Variants in PPM1L observed in about 807,000 individuals in gnomAD.
PPM1L encodes protein phosphatase 1L.
A neutral mutation model predicts 31.4 loss-of-function variants in PPM1L; 13 were observed. That is an observed-to-expected ratio of 0.41 (90% CI 0.27 to 0.66). The LOEUF is 0.66. Among genes scored for constraint, PPM1L ranks in the 30% least tolerant of loss-of-function variants. PPM1L has a pLI of 0.29. For missense variants in PPM1L, 326 were observed against 453.7 expected (o/e 0.72, Z 2.56); for synonymous variants, 184 against 175.4 (o/e 1.05, Z -0.39).
intron 1 of PPM1L, among the ~76,000 whole-genome samples, chr3:160,905,187 G>A (rs1480670494): frequency 2.0e-5 from 3 of 152,046 alleles, no homozygotes; most frequent in African/African-American, 4.8e-5. Flanking sequence ...TTTATTATAC[G>A]AAATTTATTT....
At chr3:161,019,811 A>G (rs1252083701) in intron 2 of PPM1L, among the ~76,000 whole-genome samples, 1 of 152,162 alleles carries the variant, frequency 6.6e-6, no homozygotes, top group Middle Eastern at 3.2e-3. Flanking sequence ...TTTCTCTAAA[A>G]TCATAAACGA....
rs534620157 is a variant in PPM1L, at chr3:160,974,618, G to C, written c.574+12708G>C. On this transcript the variant is annotated intron_variant, in intron 2 of 3. Transcript: ENST00000498165. ...GGTTTTGATTTGCATTTCTCTGATGGCCAGTGATGATGAGCATTTTTTCAT... is the reference window on the plus strand; with the variant it reads ...GGTTTTGATTTGCATTTCTCTGATGCCCAGTGATGATGAGCATTTTTTCAT... 3.3e-3 allele frequency among the ~76,000 whole-genome samples: 492 copies of C among 151,324 alleles called. 1 individual carries two copies. Among genetic ancestry groups the C allele is most frequent in the African/African-American group, 0.011 (471 of 41,128 alleles).
intron 2 of PPM1L, among the ~76,000 whole-genome samples, chr3:161,035,077 C>G (rs1718706163): frequency 6.6e-6 from 1 of 150,802 alleles, no homozygotes; most frequent in Non-Finnish European, 1.5e-5. Flanking sequence ...CACACTGAGG[C>G]CTGTCAGGGG....
At chr3:160,911,453 G>C (rs1292583223) in intron 1 of PPM1L, among the ~76,000 whole-genome samples, 1 of 152,178 alleles carries the variant, frequency 6.6e-6, no homozygotes, top group East Asian at 1.9e-4. Context: ...GCTGGGCTTT[G>C]ACCCCAGAGC....
At chr3:161,010,161 C>A (rs756407349) in intron 2 of PPM1L, among the ~76,000 whole-genome samples, 3 of 152,024 alleles carry the variant, frequency 2.0e-5, no homozygotes, top group African/African-American at 7.2e-5. Flanking sequence ...CCTCCCCCCA[C>A]CCCATGACAG....
intron 1 of PPM1L, among the ~76,000 whole-genome samples, chr3:160,876,829 AG>A (rs1576684566): frequency 2.0e-5 from 3 of 152,228 alleles, no homozygotes; most frequent in Admixed American, 2.0e-4. Flanking sequence ...GAATGAAAAA[AG>A]GCTTCATGTT....
intron 1 of PPM1L, among the ~76,000 whole-genome samples, chr3:160,797,177 T>G (rs2108075976): frequency 6.6e-6 from 1 of 152,342 alleles, no homozygotes; most frequent in East Asian, 1.9e-4. Flanking sequence ...CTCTGTCATA[T>G]TTTGGTAATT....
intron 1 of PPM1L, among the ~76,000 whole-genome samples, chr3:160,860,443 T>G (rs1711848834): frequency 6.6e-6 from 1 of 152,088 alleles, no homozygotes; most frequent in Admixed American, 6.6e-5. Context: ...CATAGGGATG[T>G]GTAAAAATGT....
chr3:160,766,090 T>C (rs915620926), intron 1 of PPM1L, among the ~76,000 whole-genome samples: 1 of 152,174 alleles, frequency 6.6e-6, no homozygotes, highest in African/African-American at 2.4e-5. Flanking sequence ...AAAGAAGCCA[T>C]CCTTTTCAAA....
chr3:160,880,538 T>C (rs1712676204), intron 1 of PPM1L, among the ~76,000 whole-genome samples: 3 of 152,052 alleles, frequency 2.0e-5, no homozygotes, highest in Non-Finnish European at 4.4e-5. Flanking sequence ...GGAGGTTTCA[T>C]AGCTGTTAAA....
At chr3:161,024,654 C>T (rs1015243833) in intron 2 of PPM1L, among the ~76,000 whole-genome samples, 6 of 150,326 alleles carry the variant, frequency 4.0e-5, no homozygotes, top group Non-Finnish European at 5.9e-5. Context: ...GCTGAGATCA[C>T]GCCATTACAC....
chr3:161,070,013 T>G lies in PPM1L; in HGVS notation c.*856T>G, dbSNP rs938184036. ...ATGAAAAAAGCAAGCCACAATACCA[T>G]GATTCCTTCCATTTTCAACAGTAGA... On this transcript the variant is annotated 3_prime_UTR_variant, in exon 4 of 4. Transcript: ENST00000498165. 1.3e-5 allele frequency: 2 copies of G among 152,182 alleles called. No homozygotes were observed. The highest frequency in any genetic ancestry group is 2.9e-5 in the Non-Finnish European group (2 of 68,042). 9.4% of individuals were successfully genotyped at this position (152,182 alleles called of 1,614,324 possible). A position where few individuals can be genotyped will look rare whatever the true frequency, so the allele number is the denominator to read the frequency against.
At chr3:161,051,268 T>G (rs1023195289) in intron 2 of PPM1L, among the ~76,000 whole-genome samples, 2 of 152,046 alleles carry the variant, frequency 1.3e-5, no homozygotes, top group Non-Finnish European at 2.9e-5. Context: ...GCCTTGCGGG[T>G]AAGGACTATA....
intron 1 of PPM1L, among the ~76,000 whole-genome samples, chr3:160,927,032 T>C (rs1027480443): frequency 6.6e-6 from 1 of 152,188 alleles, no homozygotes; most frequent in African/African-American, 2.4e-5. Context: ...ACTTGTTAGG[T>C]TTTCCACCTA....
At chr3:160,818,418 C>T (rs1430921038) in intron 1 of PPM1L, among the ~76,000 whole-genome samples, 2 of 152,068 alleles carry the variant, frequency 1.3e-5, no homozygotes, top group Non-Finnish European at 2.9e-5. Context: ...AACTGGAATG[C>T]CTTGGATCTG....
At chr3:160,832,180 G>A (rs1295828007) in intron 1 of PPM1L, among the ~76,000 whole-genome samples, 2 of 152,158 alleles carry the variant, frequency 1.3e-5, no homozygotes, top group African/African-American at 2.4e-5. Flanking sequence ...CTAGAGTATG[G>A]TGAAATGTTT....
At position 161,041,641 on chromosome 3, in the gene PPM1L, G is replaced by A. The variant is rs142987886; in HGVS notation, c.575-23762G>A. Reference sequence around the variant, plus strand: ...TGGGCGCCTGTAGTCCCAGCTACTCGGGAGGCTGAGGCAGGAGAATGGTGT... The same window carrying A: ...TGGGCGCCTGTAGTCCCAGCTACTCAGGAGGCTGAGGCAGGAGAATGGTGT... On this transcript the variant is annotated intron_variant, in intron 2 of 3. Coordinates refer to ENST00000498165, the MANE Select transcript of PPM1L (RefSeq NM_139245.4). 1.5e-3 allele frequency among the ~76,000 whole-genome samples: 229 copies of A among 152,162 alleles called. 7 individuals are homozygous for A. The East Asian group carries it at 0.042, about 28-fold the overall frequency.
At chr3:160,955,709 G>C (rs1715749865) in intron 1 of PPM1L, among the ~76,000 whole-genome samples, 1 of 149,838 alleles carries the variant, frequency 6.7e-6, no homozygotes, top group South Asian at 2.1e-4. Context: ...GGAGTGCAGT[G>C]GTGCAATTTC....
intron 2 of PPM1L, among the ~76,000 whole-genome samples, chr3:161,042,730 G>C (rs951263469): frequency 5.3e-5 from 8 of 152,108 alleles, no homozygotes; most frequent in Non-Finnish European, 1.0e-4. Flanking sequence ...AAACATTGTG[G>C]GTTTTTTTGG....
Sources: gnomAD v4.1 joint callset for allele counts (sites outside exome capture counted in the v4.1 genomes callset) on GRCh38, gnomAD v4.1.1 for gene constraint, MANE v1.5 for transcripts, NCBI Gene and HGNC (gene_info 2026-07-23, HGNC 2026-07-21) for gene names.